CACNB2: variants seen among roughly 807,000 people sequenced by gnomAD.
The protein encoded by CACNB2 is calcium voltage-gated channel auxiliary subunit beta 2, also known as voltage-dependent L-type calcium channel subunit beta-2.
In CACNB2, 42 loss-of-function variants were observed where a neutral mutation model predicts 73.3. The observed-to-expected ratio is 0.57, with a 90% CI of 0.45 to 0.74. The LOEUF (loss-of-function observed/expected upper bound fraction) is 0.74, where lower values mean the gene tolerates loss of function less well. Among genes scored for constraint, CACNB2 ranks in the 30% least tolerant of loss-of-function variants. The pLI is 0.00. For missense variants in CACNB2, 940 were observed against 853.0 expected, an observed-to-expected ratio of 1.10 and a Z score of -1.27; for synonymous variants, 348 against 310.3, an observed-to-expected ratio of 1.12 and a Z score of -1.28.
At chr10:18,482,967 G>A (rs1321607395) in intron 3 of CACNB2, among the ~76,000 whole-genome samples, 1 of 152,180 alleles carries the variant, frequency 6.6e-6, no homozygotes, top group African/African-American at 2.4e-5. Context: ...CAGCTCATCT[G>A]TGCCTTCCTC....
intron 2 of CACNB2, among the ~76,000 whole-genome samples, chr10:18,298,717 C>A (rs1295990296): frequency 6.6e-6 from 1 of 152,190 alleles, no homozygotes; most frequent in African/African-American, 2.4e-5. Flanking sequence ...GGTCACCGGA[C>A]CTTTCAGAGA....
At chr10:18,318,276 C>T (rs1409224058) in intron 2 of CACNB2, among the ~76,000 whole-genome samples, 1 of 152,082 alleles carries the variant, frequency 6.6e-6, no homozygotes, top group Non-Finnish European at 1.5e-5. Flanking sequence ...CCAAAACAGA[C>T]ATATAGACCA....
At chr10:18,420,096 A>G (rs1299599540) in intron 3 of CACNB2, among the ~76,000 whole-genome samples, 3 of 152,176 alleles carry the variant, frequency 2.0e-5, no homozygotes. Context: ...GTTTGGCCTT[A>G]TCTGGCCTTT....
chr10:18,321,843 G>T (rs1046557238), intron 2 of CACNB2, among the ~76,000 whole-genome samples: 10 of 152,058 alleles, frequency 6.6e-5, no homozygotes, highest in African/African-American at 2.4e-4. Context: ...TGGGATTCAT[G>T]GGTTGTTGGT....
chr10:18,471,938 G>A (rs1453656735), intron 3 of CACNB2, among the ~76,000 whole-genome samples: 1 of 152,126 alleles, frequency 6.6e-6, no homozygotes, highest in African/African-American at 2.4e-5. Context: ...TTTGTTTTCT[G>A]TTTAACTGCC....
intron 8 of CACNB2, 84 bp from the exon 9 acceptor site, chr10:18,518,826 C>G: frequency 8.0e-7 from 1 of 1,250,690 alleles, no homozygotes; most frequent in Non-Finnish European, 1.2e-6. Context: ...GGTTTTCAAG[C>G]ATTCCTAAGA....
intron 3 of CACNB2, among the ~76,000 whole-genome samples, chr10:18,477,491 A>G (rs996589881): frequency 2.6e-5 from 4 of 152,184 alleles, no homozygotes; most frequent in African/African-American, 9.6e-5. Context: ...CTTTTTAGTA[A>G]TGCCATGACT....
intron 2 of CACNB2, among the ~76,000 whole-genome samples, chr10:18,314,018 G>A (rs538199429): frequency 2.0e-5 from 3 of 152,224 alleles, no homozygotes; most frequent in African/African-American, 7.2e-5. Context: ...AACTTGGAGT[G>A]TGAAACACTA....
intron 3 of CACNB2, among the ~76,000 whole-genome samples, chr10:18,475,126 G>T (rs889109722): frequency 6.6e-6 from 1 of 151,096 alleles, no homozygotes; most frequent in Non-Finnish European, 1.5e-5. Flanking sequence ...GGATGGGAGA[G>T]GGTGCAGAAC....
chr10:18,148,513 C>T (rs2031213162), intron 1 of CACNB2, among the ~76,000 whole-genome samples: 2 of 152,330 alleles, frequency 1.3e-5, no homozygotes, highest in Admixed American at 1.3e-4. Flanking sequence ...TTGCAGAGAA[C>T]AGCCACCTCC....
At chr10:18,367,122 C>T (rs1486642242) in intron 2 of CACNB2, among the ~76,000 whole-genome samples, 2 of 152,126 alleles carry the variant, frequency 1.3e-5, no homozygotes, top group African/African-American at 2.4e-5. Context: ...TGACATTTTT[C>T]ATCATTTTTT....
At chr10:18,400,949 G>A in intron 2 of CACNB2, 1 of 1,605,202 alleles carries the variant, frequency 6.2e-7, no homozygotes, top group Non-Finnish European at 8.5e-7. Flanking sequence ...TAGGAAAGGA[G>A]CTGGGGTTCT....
chr10:18,356,948 T>C (rs1589128241), intron 2 of CACNB2, among the ~76,000 whole-genome samples: 1 of 92,710 alleles, frequency 1.1e-5, no homozygotes, highest in South Asian at 3.6e-4. Flanking sequence ...ATTTCTTTTT[T>C]TTTTTTTTTT....
rs545133503 is a variant in CACNB2, at chr10:18,299,484, A to G, written c.214-102440A>G. 2.5e-4 allele frequency among the ~76,000 whole-genome samples: 38 copies of G among 152,232 alleles called. No individual in the cohort carries two copies. In the East Asian group the frequency reaches 6.8e-3, roughly 27 times the overall value. On this transcript the variant is annotated intron_variant, in intron 2 of 13. Coordinates refer to ENST00000324631, the MANE Select transcript of CACNB2 (RefSeq NM_201596.3). ...GCATCAGTTTTGTGACTTTGGATAT[A>G]CTAATTAGTCTCTTTGAAGGTCACT... is the stretch of plus-strand genomic sequence containing the variant.
intron 2 of CACNB2, among the ~76,000 whole-genome samples, chr10:18,277,435 G>A (rs761207584): frequency 6.6e-6 from 1 of 152,240 alleles, no homozygotes; most frequent in Admixed American, 6.5e-5. Context: ...CCCTTGTGGG[G>A]ACTTCAGTGA....
chr10:18,260,973 C>T, intron 2 of CACNB2: 2 of 1,333,390 alleles, frequency 1.5e-6, no homozygotes, highest in Non-Finnish European at 1.9e-6. Flanking sequence ...TACTTACTTC[C>T]GGAAAATTAA....
intron 3 of CACNB2, among the ~76,000 whole-genome samples, chr10:18,489,888 G>C (rs111422663): frequency 2.0e-5 from 3 of 151,868 alleles, no homozygotes; most frequent in Non-Finnish European, 4.4e-5. Context: ...TTTTAGTTTC[G>C]GTTTTTTGAG....
intron 2 of CACNB2, among the ~76,000 whole-genome samples, chr10:18,267,140 T>A (rs2037845025): frequency 6.6e-6 from 1 of 152,162 alleles, no homozygotes. Flanking sequence ...TCTTTGAATG[T>A]CAAGTTCATA....
At chr10:18,513,378 C>G (rs10741091) in intron 6 of CACNB2, 64,427 of 182,522 alleles carry the variant, frequency 0.35, 11,995 homozygotes, top group East Asian at 0.7. Flanking sequence ...ATGTTGAATT[C>G]TTCAGCAACT....
Sources: gnomAD v4.1 joint callset for allele counts (sites outside exome capture counted in the v4.1 genomes callset) on GRCh38, gnomAD v4.1.1 for gene constraint, MANE v1.5 for transcripts, NCBI Gene and HGNC (gene_info 2026-07-23, HGNC 2026-07-21) for gene names.